Variants in EVI5 observed in about 807,000 individuals in gnomAD.
EVI5 encodes ecotropic viral integration site 5 protein homolog.
A neutral mutation model predicts 112.0 loss-of-function variants in EVI5; 73 were observed. That is an observed-to-expected ratio of 0.65 (90% CI 0.54 to 0.79). The LOEUF (loss-of-function observed/expected upper bound fraction) is 0.79. Ranked by LOEUF, EVI5 falls within the 30% of genes least tolerant of loss-of-function variation. EVI5 has a pLI of 0.00. For synonymous variants in EVI5, 305 were observed against 319.9 expected (o/e 0.95, Z 0.50); for missense variants, 900 against 968.8 (o/e 0.93, Z 0.94).
At position 92,785,088 on chromosome 1, in the gene EVI5, C is replaced by G. The variant is rs1351346267; in HGVS notation, c.-334G>C. 1 of 985,546 alleles carries G rather than the reference C, an allele frequency of 1.0e-6. No individual in the cohort carries two copies. Among genetic ancestry groups the G allele is most frequent in the Non-Finnish European group, 1.2e-6 (1 of 830,050 alleles). The allele number at this position is 985,546 out of a possible 1,614,324, so 61.1% of individuals were successfully genotyped here. A position where few individuals can be genotyped will look rare whatever the true frequency, so the allele number is the denominator to read the frequency against. ...CCAGCTGGTTCCTCCGGGGTCCGGC[C>G]CGGCCGCGTCAGGAGAGCCCAAGGC... On this transcript the variant is annotated 5_prime_UTR_variant, in exon 1 of 20. Coordinates refer to ENST00000684568, the MANE Select transcript of EVI5 (RefSeq NM_001350197.2).
intron 1 of EVI5, among the ~76,000 whole-genome samples, chr1:92,754,798 C>T (rs948162528): frequency 6.6e-6 from 1 of 152,134 alleles, no homozygotes; most frequent in African/African-American, 2.4e-5. Context: ...CAAGTCAGCC[C>T]TATTCAACAT....
At chr1:92,724,007 G>C (rs2102717183) in intron 2 of EVI5, among the ~76,000 whole-genome samples, 1 of 152,266 alleles carries the variant, frequency 6.6e-6, no homozygotes, top group African/African-American at 2.4e-5. Flanking sequence ...CTGGTTGTCT[G>C]CTCTCGAACC....
chr1:92,573,415 A>G (rs772197643), intron 18 of EVI5, among the ~76,000 whole-genome samples: 1 of 152,032 alleles, frequency 6.6e-6, no homozygotes, highest in Non-Finnish European at 1.5e-5. Flanking sequence ...CTTTTATCCT[A>G]TTTCCTGAGG....
chr1:92,634,299 G>T (rs530967588), intron 14 of EVI5, among the ~76,000 whole-genome samples: 3 of 152,110 alleles, frequency 2.0e-5, no homozygotes, highest in Non-Finnish European at 2.9e-5. Context: ...CATTCTCCCC[G>T]TCACTTTCAG....
intron 10 of EVI5, among the ~76,000 whole-genome samples, chr1:92,672,693 T>A (rs998451465): frequency 2.0e-5 from 3 of 152,232 alleles, no homozygotes; most frequent in African/African-American, 7.2e-5. Flanking sequence ...CCTAGAACAG[T>A]GCTTGGGCAT....
At chr1:92,606,974 C>T (rs574796184) in intron 17 of EVI5, among the ~76,000 whole-genome samples, 6 of 152,018 alleles carry the variant, frequency 3.9e-5, no homozygotes, top group Admixed American at 3.9e-4. Context: ...TTCCCCCACT[C>T]TCTCACCACT....
chr1:92,516,788 T>C (rs1659961942), intron 19 of EVI5, among the ~76,000 whole-genome samples: 1 of 152,068 alleles, frequency 6.6e-6, no homozygotes, highest in Admixed American at 6.6e-5. Context: ...AATGATATAC[T>C]GCTTATCCTT....
intron 1 of EVI5, among the ~76,000 whole-genome samples, chr1:92,751,392 A>G (rs1449110707): frequency 6.6e-6 from 1 of 152,158 alleles, no homozygotes; most frequent in East Asian, 1.9e-4. Flanking sequence ...AACATATTCG[A>G]GCATATCACA....
In EVI5 at chr1:92,662,809, C is replaced by T. The variant is rs748293414; in HGVS notation, c.1302G>A (p.Leu434=). ...AEENYLIKRE[L]ATIKQQSDEA... is the part of the protein sequence containing the mutation. ...CATCACTCTGCTGTTTGATGGTGGC[C>T]AACTCCCGTTTTATGAGGTAGTTTT... Residue 434 remains leucine (L), a synonymous_variant, in exon 13 of 20, where the codon TTG becomes TTA. Coordinates refer to ENST00000684568, the MANE Select transcript of EVI5 (RefSeq NM_001350197.2). 8.5e-6 allele frequency: 11 copies of T among 1,289,252 alleles called. No homozygotes were observed. The Admixed American group carries it at 2.3e-4, about 27-fold the overall frequency. 79.9% of individuals were successfully genotyped at this position (1,289,252 alleles called of 1,614,324 possible). A position where few individuals can be genotyped will look rare whatever the true frequency, so the allele number is the denominator to read the frequency against.
chr1:92,589,971 C>G (rs1438705931), intron 18 of EVI5, among the ~76,000 whole-genome samples: 2 of 152,304 alleles, frequency 1.3e-5, no homozygotes, highest in East Asian at 3.9e-4. Flanking sequence ...ATCCGCTGTT[C>G]TGCAGCCTCC....
chr1:92,702,181 CAG>C lies in EVI5; in HGVS notation c.597_598del (p.Tyr199Ter), dbSNP rs1671260822. The C allele has an allele frequency of 6.6e-7, 1 of 1,513,472 alleles. No individual in the cohort carries two copies. The highest frequency in any genetic ancestry group is 8.8e-7 in the Non-Finnish European group (1 of 1,136,284). 93.8% of individuals were successfully genotyped at this position (1,513,472 alleles called of 1,614,324 possible). On this transcript the variant is annotated stop_gained and frameshift_variant, in exon 5 of 20. Coordinates refer to ENST00000684568, the MANE Select transcript of EVI5 (RefSeq NM_001350197.2). LOFTEE classifies it high-confidence loss of function. ...TCCAACTATAAAAGCACTTCCTTGA[CAG>C]TAACCAACCTCACGATCTACTAAAG...
At chr1:92,696,809 C>T (rs564120677) in intron 6 of EVI5, among the ~76,000 whole-genome samples, 1 of 152,268 alleles carries the variant, frequency 6.6e-6, no homozygotes, top group African/African-American at 2.4e-5. Context: ...AAGGCCAAGG[C>T]GGGCGGTTCA....
intron 1 of EVI5, among the ~76,000 whole-genome samples, chr1:92,771,527 A>G (rs946253657): frequency 2.0e-5 from 3 of 151,962 alleles, no homozygotes; most frequent in Admixed American, 2.0e-4. Context: ...TAAGGATTCC[A>G]TGTCCTTACA....
intron 18 of EVI5, among the ~76,000 whole-genome samples, chr1:92,575,388 T>C (rs769974308): frequency 9.2e-5 from 14 of 152,102 alleles, no homozygotes; most frequent in Non-Finnish European, 1.9e-4. Flanking sequence ...AATGTCATCA[T>C]AACACTTAAA....
At chr1:92,557,725 A>AC (rs914788385) in intron 19 of EVI5, among the ~76,000 whole-genome samples, 2 of 150,054 alleles carry the variant, frequency 1.3e-5, no homozygotes, top group African/African-American at 4.9e-5. Flanking sequence ...TCCGAAGAAA[A>AC]CTTTTTTTTT....
intron 9 of EVI5, among the ~76,000 whole-genome samples, chr1:92,680,682 C>T (rs1216388691): frequency 6.6e-6 from 1 of 152,168 alleles, no homozygotes; most frequent in Non-Finnish European, 1.5e-5. Flanking sequence ...CAGCAAACAT[C>T]ACCTTAATCA....
chr1:92,765,836 G>A lies in EVI5; in HGVS notation c.-82+19000C>T, dbSNP rs561333255. Among the ~76,000 whole-genome samples, 9 of 152,160 alleles carry A rather than the reference G, an allele frequency of 5.9e-5. No homozygotes were observed. In the South Asian group the frequency reaches 1.9e-3, roughly 32 times the overall value. On this transcript the variant is annotated intron_variant, in intron 1 of 19. Coordinates refer to ENST00000684568, the MANE Select transcript of EVI5 (RefSeq NM_001350197.2). ...CATGCCTGTAATCCTAACACTTTGGGAAGCCAAGGCGGGAGGGTCGCTTCA... is the reference window on the plus strand; with the variant it reads ...CATGCCTGTAATCCTAACACTTTGGAAAGCCAAGGCGGGAGGGTCGCTTCA...
chr1:92,722,607 C>T (rs962632441), intron 2 of EVI5, among the ~76,000 whole-genome samples: 1 of 151,944 alleles, frequency 6.6e-6, no homozygotes, highest in African/African-American at 2.4e-5. Flanking sequence ...TCTCCTTTTG[C>T]TCTATTTAAT....
At chr1:92,563,951 T>G (rs1669018244) in intron 18 of EVI5, among the ~76,000 whole-genome samples, 1 of 152,194 alleles carries the variant, frequency 6.6e-6, no homozygotes, top group African/African-American at 2.4e-5. Flanking sequence ...AGAGTTTCGT[T>G]CTTGTTGCCC....
Sources: gnomAD v4.1 joint callset for allele counts (sites outside exome capture counted in the v4.1 genomes callset) on GRCh38, gnomAD v4.1.1 for gene constraint, MANE v1.5 for transcripts, NCBI Gene and HGNC (gene_info 2026-07-23, HGNC 2026-07-21) for gene names.